The following PPP4R1 variants were observed in gnomAD, a reference collection of about 807,000 sequenced individuals.
PPP4R1 encodes serine/threonine-protein phosphatase 4 regulatory subunit 1.
A neutral mutation model predicts 111.2 loss-of-function variants in PPP4R1; 42 were observed. That is an observed-to-expected ratio of 0.38 (90% CI 0.29 to 0.49). The LOEUF is 0.49. Among genes scored for constraint, PPP4R1 ranks in the 20% least tolerant of loss-of-function variants. PPP4R1 has a pLI of 0.97. For synonymous variants in PPP4R1, 409 were observed against 405.5 expected, an observed-to-expected ratio of 1.01 and a Z score of -0.10; for missense variants, 1,012 against 1,161.6, an observed-to-expected ratio of 0.87 and a Z score of 1.87.
Position 9,566,481 on chromosome 18 carries a change from T to C in PPP4R1, c.1574-2931A>G, listed in dbSNP as rs115835488. ...CCTGGCCAGCATGGTGAAATCCCAT[T>C]AAACAAACAAACAAAAAAAACTAGC... On this transcript the variant is annotated intron_variant, in intron 11 of 19. Transcript: ENST00000400556. 8.6e-3 allele frequency among the ~76,000 whole-genome samples: 1,302 copies of C among 151,664 alleles called. 18 individuals are homozygous for C. The highest frequency in any genetic ancestry group is 0.03 in the African/African-American group (1,254 of 41,376).
At position 9,614,350 on chromosome 18, in the gene PPP4R1, C is replaced by A. The variant is rs1156781877; in HGVS notation, c.8-80G>T. 6.5e-6 allele frequency: 7 copies of A among 1,075,152 alleles called. No homozygotes were observed. The Admixed American group carries it at 1.6e-4, about 25-fold the overall frequency. 66.6% of individuals were successfully genotyped at this position (1,075,152 alleles called of 1,614,324 possible). A position where few individuals can be genotyped will look rare whatever the true frequency, so the allele number is the denominator to read the frequency against. On this transcript the variant is annotated intron_variant, in intron 1 of 19. Coordinates refer to ENST00000400556, the MANE Select transcript of PPP4R1 (RefSeq NM_001042388.3). The surrounding 1 kb of genome is among the most constrained non-coding windows in gnomAD (Gnocchi z 4.1). ...CGCCCCCCCCCCGCCCGCCTCCCCC[C>A]CGCCCCGGGGGCGCCTTCCCGCGCC...
At chr18:9,548,378 A>G (rs1311393117) in intron 19 of PPP4R1, among the ~76,000 whole-genome samples, 1 of 151,460 alleles carries the variant, frequency 6.6e-6, no homozygotes, top group East Asian at 1.9e-4. Context: ...CCGTGCAACT[A>G]TATTTATGAG....
chr18:9,601,867 A>G (rs937844829), intron 2 of PPP4R1, among the ~76,000 whole-genome samples: 3 of 152,208 alleles, frequency 2.0e-5, no homozygotes, highest in Non-Finnish European at 2.9e-5. Context: ...GCTTTAGTTC[A>G]TCTTATCTCT....
intron 14 of PPP4R1, among the ~76,000 whole-genome samples, chr18:9,558,954 TCTC>T (rs1234295509): frequency 3.9e-5 from 6 of 152,040 alleles, no homozygotes; most frequent in Non-Finnish European, 8.8e-5. Flanking sequence ...CCACGGAACT[TCTC>T]CTGTCTGTAC....
chr18:9,610,867 T>TACACACACACACACACACACACAC (rs60173784), intron 2 of PPP4R1, among the ~76,000 whole-genome samples: 1 of 149,786 alleles, frequency 6.7e-6, no homozygotes, highest in African/African-American at 2.5e-5. Flanking sequence ...AAATTATGTG[T>TACACACACACACACACACACACAC]ACACACACAC....
chr18:9,555,772 A>G (rs1014248407), intron 15 of PPP4R1, among the ~76,000 whole-genome samples: 3 of 152,218 alleles, frequency 2.0e-5, no homozygotes, highest in Non-Finnish European at 4.4e-5. Flanking sequence ...ATAACATTTA[A>G]ATTTAATATG....
chr18:9,562,024 T>A lies in PPP4R1; in HGVS notation c.1798A>T (p.Asn600Tyr). 1.2e-6 allele frequency: 2 copies of A among 1,613,426 alleles called. No homozygotes were observed. The highest frequency in any genetic ancestry group is 3.3e-4 in the Middle Eastern group (2 of 6,058). The change falls in exon 13 of 20, where the codon AAT (asparagine) becomes TAT (tyrosine). Residue 600 changes from asparagine to tyrosine, a missense_variant. Coordinates refer to ENST00000400556, the MANE Select transcript of PPP4R1 (RefSeq NM_001042388.3). The stretch of plus-strand genomic sequence containing the variant: ...TCCTCATCAGGGCTAAAACTGCTAT[T>A]GTTGCTCAAGTCTGAATCGCTGTGA... ...YIHSDSDLSN[N>Y]SSFSPDEERR...
At chr18:9,609,227 C>T (rs548411596) in intron 2 of PPP4R1, among the ~76,000 whole-genome samples, 1 of 152,170 alleles carries the variant, frequency 6.6e-6, no homozygotes, top group African/African-American at 2.4e-5. Flanking sequence ...TGGCAGCAGT[C>T]AAAACAGGCT....
Position 9,583,190 on chromosome 18 carries a change from G to C in PPP4R1, c.845C>G (p.Ala282Gly). ...CAECFMAVSCATCQEIRRTKL... is the reference protein window; with the variant it reads ...CAECFMAVSCGTCQEIRRTKL... ...GGTCCGTCGGATTTCTTGACATGTT[G>C]CACATGAAACCGCCATGAAGCATTC... The change falls in exon 9 of 20, where the codon GCA becomes GGA. Residue 282 changes from alanine to glycine, a missense_variant. This residue lies in a region of PPP4R1 where 707 missense variants were observed against 742.1 expected (regional missense o/e 0.95). Transcript: ENST00000400556. The C allele has an allele frequency of 6.2e-7, 1 of 1,611,880 alleles. No homozygotes were observed. The highest frequency in any genetic ancestry group is 8.5e-7 in the Non-Finnish European group (1 of 1,178,426).
At chr18:9,600,296 A>G (rs2067360631) in intron 2 of PPP4R1, among the ~76,000 whole-genome samples, 1 of 152,050 alleles carries the variant, frequency 6.6e-6, no homozygotes, top group African/African-American at 2.4e-5. Flanking sequence ...AAAATTGAGT[A>G]CTAAAAAATA....
At position 9,591,052 on chromosome 18, in the gene PPP4R1, T is replaced by C. The variant is rs548021347; in HGVS notation, c.296-2199A>G. ...TTAAAGGGGGAAGAGACTTAGACAT[T>C]TCAAAAAAGAAGAAGCCAGGCATGG... is the stretch of plus-strand genomic sequence containing the variant. On this transcript the variant is annotated intron_variant, in intron 4 of 19. Transcript: ENST00000400556. 2.6e-5 allele frequency among the ~76,000 whole-genome samples: 4 copies of C among 151,870 alleles called. No individual in the cohort carries two copies. In the South Asian group the frequency reaches 6.3e-4, roughly 24 times the overall value.
intron 10 of PPP4R1, among the ~76,000 whole-genome samples, chr18:9,571,716 G>A (rs954322584): frequency 6.6e-6 from 1 of 152,132 alleles, no homozygotes; most frequent in African/African-American, 2.4e-5. Flanking sequence ...AGGAGAAACA[G>A]GACATGCAAA....
chr18:9,558,338 C>T (rs1422651794), intron 14 of PPP4R1, among the ~76,000 whole-genome samples: 1 of 152,124 alleles, frequency 6.6e-6, no homozygotes, highest in Non-Finnish European at 1.5e-5. Flanking sequence ...ACCCAGGTGC[C>T]CCGAAAGATA....
At chr18:9,593,660 T>G in intron 4 of PPP4R1, 108 bp downstream of exon 4, 1 of 973,662 alleles carries the variant, frequency 1.0e-6, no homozygotes, top group Non-Finnish European at 1.5e-6. Context: ...TAGGAAATAT[T>G]TTAAAGCTAT....
At chr18:9,566,109 C>T (rs956973156) in intron 11 of PPP4R1, among the ~76,000 whole-genome samples, 2 of 151,864 alleles carry the variant, frequency 1.3e-5, no homozygotes, top group African/African-American at 4.8e-5. Context: ...CAGGGTTTCA[C>T]CATGTTGGCC....
chr18:9,586,580 G>C (rs1463370185), intron 6 of PPP4R1, among the ~76,000 whole-genome samples: 2 of 119,074 alleles, frequency 1.7e-5, no homozygotes, highest in African/African-American at 5.3e-5. Context: ...TGGTAACTGA[G>C]TATCTAAAAA....
intron 13 of PPP4R1, 80 bp from the exon 14 acceptor site, chr18:9,559,684 A>T (rs959749299): frequency 1.3e-5 from 14 of 1,056,358 alleles, no homozygotes; most frequent in Middle Eastern, 2.2e-4. Flanking sequence ...GGGCAAAATT[A>T]TTTTTAAATA....
upstream of PPP4R1, chr18:9,614,625 G>T (rs2067659582): frequency 1.3e-5 from 4 of 310,168 alleles, no homozygotes; most frequent in African/African-American, 2.3e-5. This position sits in a 1 kb window ranked among gnomAD's most constrained non-coding sequence, Gnocchi z 4.1. Context: ...CGCGCGGGGC[G>T]GGCCGAGGGC....
chr18:9,592,135 T>C (rs1416025388), intron 4 of PPP4R1, among the ~76,000 whole-genome samples: 2 of 152,198 alleles, frequency 1.3e-5, no homozygotes, highest in African/African-American at 2.4e-5. Flanking sequence ...CCCATCTTTT[T>C]CACCATATCA....
Sources: allele counts gnomAD v4.1 joint callset (sites outside exome capture counted in the v4.1 genomes callset), GRCh38; gene constraint gnomAD v4.1.1; regional missense constraint gnomAD v4.1.1; non-coding constraint Gnocchi (gnomAD v3.1); transcripts MANE v1.5; gene names NCBI Gene and HGNC (gene_info 2026-07-23, HGNC 2026-07-21).